ITGAM: variants seen among roughly 807,000 people sequenced by gnomAD.
ITGAM encodes integrin subunit alpha M.
Under a neutral mutation model 137.5 loss-of-function variants are expected in ITGAM, and 79 were observed. The observed-to-expected ratio is 0.57, with a 90% CI of 0.48 to 0.69. The LOEUF is 0.69. Among genes scored for constraint, ITGAM ranks in the 30% least tolerant of loss-of-function variants. The probability of loss-of-function intolerance (pLI) is 0.00; values close to 1 mark genes in which losing one functional copy is unlikely to be tolerated. For synonymous variants in ITGAM, 583 were observed against 592.3 expected (o/e 0.98, Z 0.23); for missense variants, 1,343 against 1,483.5 (o/e 0.91, Z 1.56).
Position 31,271,859 on chromosome 16 carries a change from C to A in ITGAM, c.571C>A (p.Gln191Lys), listed in dbSNP as rs766348981. The A allele has an allele frequency of 1.2e-6, 2 of 1,613,994 alleles. No homozygotes were observed. Among genetic ancestry groups the A allele is most frequent in the South Asian group, 1.1e-5 (1 of 91,090 alleles). ...KKSKTLFSLM[Q>K]YSEEFRIHFT... ...GCCCCCTCCGCAGTTCTCTTTGATG[C>A]AGTACTCTGAAGAATTCCGGATTCA... Residue 191 changes from glutamine to lysine, a missense_variant, in exon 7 of 30, where the codon CAG becomes AAG. Transcript: ENST00000544665.
In ITGAM at chr16:31,307,917, C is replaced by T. The variant is rs542689014; in HGVS notation, c.1707+9963C>T. 6.6e-5 allele frequency among the ~76,000 whole-genome samples: 10 copies of T among 152,164 alleles called. No homozygotes were observed. The East Asian group carries it at 7.7e-4, about 12-fold the overall frequency. Reference sequence around the variant, plus strand: ...TCTATTGAGATAATCATGCGGTTTTCGTCTTTGGTTCTGTTTATATGCTGG... The same window carrying T: ...TCTATTGAGATAATCATGCGGTTTTTGTCTTTGGTTCTGTTTATATGCTGG... On this transcript the variant is annotated intron_variant, in intron 14 of 29. Coordinates refer to ENST00000544665, the MANE Select transcript of ITGAM (RefSeq NM_000632.4).
chr16:31,324,476 A>T lies in ITGAM; in HGVS notation c.2080A>T (p.Thr694Ser), dbSNP rs761540397. The change falls in exon 17 of 30, where the codon ACA becomes TCA. Residue 694 changes from threonine (T) to serine (S), a missense_variant. Transcript: ENST00000544665. The surrounding 1 kb of genome is among the most constrained non-coding windows in gnomAD (Gnocchi z 4.5). ...ACATTCCCGCGCCGTCTTCAATGAG[A>T]CAAAGAACAGCACACGCAGACAGAC... ...RPHSRAVFNE[T>S]KNSTRRQTQV... 6.9e-6 allele frequency: 11 copies of T among 1,585,884 alleles called. No individual in the cohort carries two copies. The African/African-American group carries it at 9.4e-5, about 14-fold the overall frequency.
At position 31,321,484 on chromosome 16, in the gene ITGAM, T is replaced by C. The variant is rs1197009207; in HGVS notation, c.1859T>C (p.Val620Ala). ...TTTAGGTCCCAGCCAGTACTGAGAGTCAAGGCAATCATGGAGTTCAATCCC... is the reference window on the plus strand; with the variant it reads ...TTTAGGTCCCAGCCAGTACTGAGAGCCAAGGCAATCATGGAGTTCAATCCC... ...LLLRSQPVLR[V>A]KAIMEFNPRE... Residue 620 changes from valine to alanine, a missense_variant, in exon 16 of 30, where the codon GTC (valine) becomes GCC (alanine). Val to Ala is a moderately conservative substitution (Grantham distance 64). Coordinates refer to ENST00000544665, the MANE Select transcript of ITGAM (RefSeq NM_000632.4). The C allele has an allele frequency of 1.2e-6, 2 of 1,613,636 alleles. No homozygotes were observed. The highest frequency in any genetic ancestry group is 1.1e-5 in the South Asian group (1 of 91,058).
At chr16:31,329,407 G>C in intron 24 of ITGAM, 104 bp downstream of exon 24, 1 of 863,010 alleles carries the variant, frequency 1.2e-6, no homozygotes. Flanking sequence ...GGCACCTGTG[G>C]TGTGCCAGGC....
intron 5 of ITGAM, among the ~76,000 whole-genome samples, chr16:31,269,009 G>A (rs2079800428): frequency 2.6e-5 from 4 of 152,112 alleles, no homozygotes; most frequent in Admixed American, 2.6e-4. Context: ...GGGGACCAGA[G>A]TTTTATTATC....
intron 14 of ITGAM, among the ~76,000 whole-genome samples, chr16:31,318,344 CTTT>C (rs34125826): frequency 3.8e-5 from 5 of 131,470 alleles, no homozygotes; most frequent in Admixed American, 8.1e-5. Context: ...CTTGTCAGTT[CTTT>C]TTTTTTTTTT....
At chr16:31,329,075 CCCCATCCCCCTG>C in intron 23 of ITGAM, 141 bp from the exon 24 acceptor site, 1 of 316,910 alleles carries the variant, frequency 3.2e-6, no homozygotes, top group South Asian at 2.4e-5. Flanking sequence ...ACATTGGTTC[CCCCATCCCCCTG>C]CACCCCACCC....
intron 3 of ITGAM, 69 bp from the exon 4 acceptor site, chr16:31,265,742 C>G (rs1011575129): frequency 2.6e-5 from 37 of 1,401,354 alleles, no homozygotes; most frequent in Non-Finnish European, 3.7e-5. Context: ...GAGGTGACCC[C>G]TGCCCAGCTC....
intron 1 of ITGAM, among the ~76,000 whole-genome samples, chr16:31,260,426 TG>T (rs1282013794): frequency 6.6e-6 from 1 of 152,168 alleles, no homozygotes; most frequent in African/African-American, 2.4e-5. Context: ...TGCTTCCTCC[TG>T]GATCCCCTCT....
intron 16 of ITGAM, among the ~76,000 whole-genome samples, chr16:31,323,990 G>A (rs1308754735): frequency 6.6e-6 from 1 of 151,844 alleles, no homozygotes; most frequent in Non-Finnish European, 1.5e-5. Flanking sequence ...TCCAGCCTGG[G>A]CAAGAGAGTG....
intron 22 of ITGAM, among the ~76,000 whole-genome samples, chr16:31,327,576 AGAGT>A (rs1479708052): frequency 6.6e-6 from 1 of 151,986 alleles, no homozygotes; most frequent in African/African-American, 2.4e-5. Context: ...CCTGGGCAAT[AGAGT>A]GAGACCCAGT....
chr16:31,305,747 T>C (rs1022059933), intron 14 of ITGAM, among the ~76,000 whole-genome samples: 2 of 152,196 alleles, frequency 1.3e-5, no homozygotes, highest in Admixed American at 6.5e-5. Flanking sequence ...TTAATTCTGT[T>C]TATGTGATGT....
chr16:31,285,706 T>G (rs2080021708), intron 12 of ITGAM, among the ~76,000 whole-genome samples: 1 of 152,166 alleles, frequency 6.6e-6, no homozygotes, highest in African/African-American at 2.4e-5. Context: ...ATACATTGCA[T>G]GTTGCTGAGG....
At position 31,331,976 on chromosome 16, in the gene ITGAM, CGT is replaced by C; in HGVS notation, c.*274_*275del. 1.9e-6 allele frequency: 1 copy of C among 513,964 alleles called. No homozygotes were observed. 31.8% of individuals were successfully genotyped at this position (513,964 alleles called of 1,614,324 possible). ...ATGTGAGTGTGTCCAAGTGTGTGTG[CGT>C]GTGTCCATGTGTGTGCAAGTGTGTG... On this transcript the variant is annotated 3_prime_UTR_variant, in exon 30 of 30. Transcript: ENST00000544665.
intron 27 of ITGAM, 33 bp from the exon 28 acceptor site, chr16:31,330,471 C>T: frequency 6.2e-7 from 1 of 1,610,240 alleles, no homozygotes; most frequent in African/African-American, 1.3e-5. Context: ...TGCTCAGGGC[C>T]CAGGTGCAGT....
At chr16:31,288,728 C>T (rs1054930541) in intron 12 of ITGAM, among the ~76,000 whole-genome samples, 1 of 152,152 alleles carries the variant, frequency 6.6e-6, no homozygotes, top group Non-Finnish European at 1.5e-5. Context: ...ACACCAAAAG[C>T]AATGGCAACA....
intron 7 of ITGAM, among the ~76,000 whole-genome samples, 180 bp downstream of exon 7, chr16:31,272,172 G>C (rs1452251859): frequency 6.6e-6 from 1 of 151,682 alleles, no homozygotes; most frequent in African/African-American, 2.4e-5. Flanking sequence ...GGTGGGAGTG[G>C]AGTGGGGAAG....
In ITGAM at chr16:31,332,170, G is replaced by C. The variant is rs2080597048; in HGVS notation, c.*463G>C. 1 of 156,924 alleles carries C rather than the reference G, an allele frequency of 6.4e-6. No homozygotes were observed. Among genetic ancestry groups the C allele is most frequent in the Non-Finnish European group, 1.4e-5 (1 of 71,152 alleles). The allele number at this position is 156,924 out of a possible 1,614,324, so 9.7% of individuals were successfully genotyped here. The stretch of plus-strand genomic sequence containing the variant: ...TGAAGCCGCTGCTGGGTTTTCCTCC[G>C]GGAGAGGGGACGGTCAATCCTGTGG... On this transcript the variant is annotated 3_prime_UTR_variant, in exon 30 of 30. Transcript: ENST00000544665.
chr16:31,319,030 T>C (rs975034121), intron 14 of ITGAM, among the ~76,000 whole-genome samples: 5 of 152,206 alleles, frequency 3.3e-5, no homozygotes, highest in Non-Finnish European at 5.9e-5. Context: ...TCTTCTGGTA[T>C]TGTTTTTAGT....
Sources: allele counts gnomAD v4.1 joint callset (sites outside exome capture counted in the v4.1 genomes callset), GRCh38; gene constraint gnomAD v4.1.1; non-coding constraint Gnocchi (gnomAD v3.1); transcripts MANE v1.5; gene names NCBI Gene and HGNC (gene_info 2026-07-23, HGNC 2026-07-21).